The following NTM variants were observed in gnomAD, a reference collection of about 807,000 sequenced individuals.
The protein encoded by NTM is IgLON family member 2.
Under a neutral mutation model 42.1 loss-of-function variants are expected in NTM, and 13 were observed. The ratio of observed to expected loss-of-function variants is 0.31; its 90% CI spans 0.20 to 0.49. NTM has a LOEUF of 0.49. Among genes scored for constraint, NTM ranks in the 20% least tolerant of loss-of-function variants. The pLI is 0.99. For synonymous variants in NTM, 187 were observed against 179.2 expected (o/e 1.04, Z -0.35); for missense variants, 373 against 452.8 (o/e 0.82, Z 1.60).
chr11:132,161,616 T>A (rs2074307682), intron 3 of NTM, among the ~76,000 whole-genome samples: 1 of 151,962 alleles, frequency 6.6e-6, no homozygotes, highest in Non-Finnish European at 1.5e-5. Context: ...TCCCACAGTC[T>A]TCCTCCCCCC....
At chr11:132,113,940 T>C (rs2063550563) in intron 2 of NTM, among the ~76,000 whole-genome samples, 1 of 152,216 alleles carries the variant, frequency 6.6e-6, no homozygotes, top group African/African-American at 2.4e-5. Context: ...AGTTTACCCA[T>C]GCTGCGGCTC....
chr11:132,195,153 C>G (rs1261035403), intron 3 of NTM, among the ~76,000 whole-genome samples: 1 of 151,982 alleles, frequency 6.6e-6, no homozygotes, highest in Non-Finnish European at 1.5e-5. Flanking sequence ...ACACCAATAA[C>G]TTCCAAGCTG....
intron 2 of NTM, among the ~76,000 whole-genome samples, chr11:132,092,975 G>A (rs1430379281): frequency 6.6e-6 from 1 of 152,146 alleles, no homozygotes; most frequent in African/African-American, 2.4e-5. Flanking sequence ...CCTCAGGCTG[G>A]CCCTGATCCA....
chr11:131,930,320 G>C (rs2058453757), intron 2 of NTM, among the ~76,000 whole-genome samples: 1 of 152,150 alleles, frequency 6.6e-6, no homozygotes, highest in African/African-American at 2.4e-5. Context: ...CAGGGTACTT[G>C]TTGCCCTCTG....
chr11:132,171,626 A>G (rs1206066460), intron 3 of NTM, among the ~76,000 whole-genome samples: 8 of 152,226 alleles, frequency 5.3e-5, no homozygotes, highest in Admixed American at 3.9e-4. Flanking sequence ...AGACATTAAC[A>G]TTCATTCCAT....
intron 4 of NTM, among the ~76,000 whole-genome samples, chr11:132,245,155 G>A (rs1302540867): frequency 1.3e-5 from 2 of 152,226 alleles, no homozygotes; most frequent in Non-Finnish European, 2.9e-5. Context: ...AGAGGACAGA[G>A]GTTTGCCGGG....
intron 2 of NTM, among the ~76,000 whole-genome samples, chr11:132,060,936 T>C (rs1445388163): frequency 2.0e-5 from 3 of 152,228 alleles, no homozygotes; most frequent in Non-Finnish European, 4.4e-5. Context: ...ACACTTTTGC[T>C]ATGTTGAAAA....
chr11:131,706,700 T>C (rs1400910688), intron 1 of NTM, among the ~76,000 whole-genome samples: 1 of 152,042 alleles, frequency 6.6e-6, no homozygotes, highest in Non-Finnish European at 1.5e-5. Flanking sequence ...AATTTACAAA[T>C]ATGTAGAAAT....
intron 4 of NTM, among the ~76,000 whole-genome samples, chr11:132,266,290 C>T (rs1427437821): frequency 6.6e-6 from 1 of 152,158 alleles, no homozygotes; most frequent in Admixed American, 6.5e-5. Flanking sequence ...GCAGCTAGAG[C>T]CTCCCTGAGG....
chr11:131,787,390 AT>A (rs1020702795), intron 1 of NTM, among the ~76,000 whole-genome samples: 1 of 97,472 alleles, frequency 1.0e-5, no homozygotes, highest in Non-Finnish European at 2.3e-5. Context: ...TTTTATTTTT[AT>A]TTTTTTTGAG....
chr11:131,884,421 A>G (rs144834649), intron 1 of NTM, among the ~76,000 whole-genome samples: 1 of 152,292 alleles, frequency 6.6e-6, no homozygotes, highest in African/African-American at 2.4e-5. Flanking sequence ...AAAAGAAAAA[A>G]AAAGAAAGAA....
At chr11:131,464,169 C>A (rs916131494) in intron 1 of NTM, among the ~76,000 whole-genome samples, 7 of 152,048 alleles carry the variant, frequency 4.6e-5, no homozygotes, top group African/African-American at 1.2e-4. Flanking sequence ...GGAAGCTGGC[C>A]CCTTGGTTCT....
chr11:131,854,437 TAA>T, intron 1 of NTM, among the ~76,000 whole-genome samples: 1 of 152,342 alleles, frequency 6.6e-6, no homozygotes, highest in Non-Finnish European at 1.5e-5. Context: ...TAAAGTCAGG[TAA>T]AGTCTTTCCG....
rs557001615 is a variant in NTM, at chr11:132,175,875, C to G, written c.400+29361C>G. ...AATTCTCGGGTTCCCCATTGAACTT[C>G]CAGAGCTCCTTATTTGTATCATGGC... On this transcript the variant is annotated intron_variant, in intron 3 of 8. Coordinates refer to ENST00000683400, the MANE Select transcript of NTM (RefSeq NM_001352005.2). Among the ~76,000 whole-genome samples, 3 of 152,304 alleles carry G rather than the reference C, an allele frequency of 2.0e-5. No homozygotes were observed. The East Asian group carries it at 5.8e-4, about 29-fold the overall frequency.
chr11:131,502,171 C>T (rs113976945), intron 1 of NTM, among the ~76,000 whole-genome samples: 1 of 151,986 alleles, frequency 6.6e-6, no homozygotes, highest in African/African-American at 2.4e-5. Context: ...AATCCTCACC[C>T]CCCAGAGGAT....
Position 131,590,156 on chromosome 11 carries a change from C to T in NTM, c.82+219268C>T, listed in dbSNP as rs560082969. On this transcript the variant is annotated intron_variant, in intron 1 of 8. Transcript: ENST00000683400. ...ACTGGGAGGCTCATTCTCATGGAGA[C>T]AGGGAGAACCTCTGTCCCCTCCCCA... is the stretch of plus-strand genomic sequence containing the variant. Among the ~76,000 whole-genome samples, 6 of 152,302 alleles carry T rather than the reference C, an allele frequency of 3.9e-5. No individual in the cohort carries two copies. In the South Asian group the frequency reaches 8.3e-4, roughly 21 times the overall value.
At chr11:131,769,627 T>C in intron 1 of NTM, 1 of 974,518 alleles carries the variant, frequency 1.0e-6, no homozygotes, top group South Asian at 4.7e-5. Context: ...CAATCCTGCC[T>C]GTGGAGCAGA....
chr11:131,669,517 AGGCATGTTAGG>A (rs1380125819), intron 1 of NTM, among the ~76,000 whole-genome samples: 3 of 152,188 alleles, frequency 2.0e-5, no homozygotes, highest in African/African-American at 7.2e-5. Flanking sequence ...TAGAGCTGGA[AGGCATGTTAGG>A]GGCATGTTAG....
chr11:132,085,020 TTTCAA>T (rs1231974499), intron 2 of NTM, among the ~76,000 whole-genome samples: 2 of 152,238 alleles, frequency 1.3e-5, no homozygotes, highest in African/African-American at 2.4e-5. Flanking sequence ...TGTGCTTTTA[TTTCAA>T]TGCTCAATTT....
Sources: gnomAD v4.1 joint callset for allele counts (sites outside exome capture counted in the v4.1 genomes callset) on GRCh38, gnomAD v4.1.1 for gene constraint, MANE v1.5 for transcripts, NCBI Gene and HGNC (gene_info 2026-07-23, HGNC 2026-07-21) for gene names.